The following PCDH7 variants were observed in gnomAD, a reference collection of about 807,000 sequenced individuals.
PCDH7 encodes the protein protocadherin 7.
In PCDH7, 17 loss-of-function variants were observed where a neutral mutation model predicts 58.9. The ratio of observed to expected loss-of-function variants is 0.29; its 90% CI spans 0.20 to 0.43. The LOEUF is 0.43. PCDH7 is among the 20% of genes least tolerant of loss of function. The pLI is 1.00. For missense variants in PCDH7, 1,274 were observed against 1,441.0 expected (o/e 0.88, Z 1.88); for synonymous variants, 664 against 616.4 (o/e 1.08, Z -1.14).
At chr4:31,047,876 G>T (rs1029189477) in intron 3 of PCDH7, among the ~76,000 whole-genome samples, 3 of 152,016 alleles carry the variant, frequency 2.0e-5, no homozygotes, top group Non-Finnish European at 2.9e-5. Flanking sequence ...GTTCCCACTT[G>T]ATAGGAGGTC....
chr4:31,141,874 C>T lies in PCDH7; in HGVS notation c.*8-599C>T, dbSNP rs373454081. On this transcript the variant is annotated intron_variant, in intron 3 of 3. Coordinates refer to the PCDH7 transcript ENST00000509759. ...GCAGGTGCGTGATATTGCTAGTATGCTTATACCTGTAACTACTGGTTCCTT... is the reference window on the plus strand; with the variant it reads ...GCAGGTGCGTGATATTGCTAGTATGTTTATACCTGTAACTACTGGTTCCTT... 3.8e-3 allele frequency among the ~76,000 whole-genome samples: 578 copies of T among 152,240 alleles called. 1 individual carries two copies. The highest frequency in any genetic ancestry group is 6.1e-3 in the Non-Finnish European group (413 of 68,028).
At chr4:30,744,373 C>A (rs1420749841) in intron 1 of PCDH7, among the ~76,000 whole-genome samples, 1 of 152,264 alleles carries the variant, frequency 6.6e-6, no homozygotes, top group East Asian at 1.9e-4. Context: ...TCTCCATTAA[C>A]CTATATGATT....
At chr4:30,955,634 C>T (rs112428228) in intron 3 of PCDH7, among the ~76,000 whole-genome samples, 6 of 151,860 alleles carry the variant, frequency 4.0e-5, no homozygotes, top group South Asian at 4.2e-4. Flanking sequence ...CTGCAACCTC[C>T]GCCTCATGGG....
chr4:30,807,299 C>T (rs1343417602), intron 1 of PCDH7, among the ~76,000 whole-genome samples: 2 of 152,024 alleles, frequency 1.3e-5, no homozygotes, highest in Admixed American at 6.5e-5. Flanking sequence ...AAAGCATAAA[C>T]AATAAAATAC....
intron 3 of PCDH7, among the ~76,000 whole-genome samples, chr4:30,980,480 A>G (rs1750456120): frequency 6.6e-6 from 1 of 152,220 alleles, no homozygotes; most frequent in Non-Finnish European, 1.5e-5. Flanking sequence ...TAGTCTAGGC[A>G]ATGGATACTG....
intron 3 of PCDH7, among the ~76,000 whole-genome samples, chr4:31,054,592 T>C (rs1371205674): frequency 1.3e-5 from 2 of 152,200 alleles, no homozygotes; most frequent in Non-Finnish European, 2.9e-5. Context: ...AAAATTCTTT[T>C]AGTACCTCCA....
intron 2 of PCDH7, among the ~76,000 whole-genome samples, chr4:30,942,376 G>T (rs1400656018): frequency 6.6e-6 from 1 of 151,936 alleles, no homozygotes; most frequent in Admixed American, 6.6e-5. Context: ...TCTTTATAGA[G>T]CCTTGATGAA....
chr4:30,859,698 G>A (rs185935854), intron 1 of PCDH7, among the ~76,000 whole-genome samples: 15 of 151,980 alleles, frequency 9.9e-5, no homozygotes, highest in Admixed American at 5.2e-4. Context: ...CCTCGACCCC[G>A]CAAAGTGCTG....
chr4:30,929,023 TTTC>T (rs1374786851), intron 2 of PCDH7, among the ~76,000 whole-genome samples: 31 of 152,292 alleles, frequency 2.0e-4, no homozygotes, highest in African/African-American at 7.2e-4. Context: ...ATTTTGTGTC[TTTC>T]TTTTCTCTCT....
At chr4:30,933,483 T>C (rs1405552039) in intron 2 of PCDH7, among the ~76,000 whole-genome samples, 1 of 152,188 alleles carries the variant, frequency 6.6e-6, no homozygotes, top group Non-Finnish European at 1.5e-5. Context: ...CTTACGCTTG[T>C]TGTTATTGTT....
chr4:31,122,327 A>G (rs1168136098), intron 3 of PCDH7, among the ~76,000 whole-genome samples: 1 of 152,194 alleles, frequency 6.6e-6, no homozygotes, highest in Non-Finnish European at 1.5e-5. Context: ...AATCCAGCCT[A>G]AAGGATAAAT....
At chr4:30,752,256 C>T (rs1442639664) in intron 1 of PCDH7, among the ~76,000 whole-genome samples, 4 of 152,218 alleles carry the variant, frequency 2.6e-5, no homozygotes, top group South Asian at 2.1e-4. Context: ...CCTCAGCCTC[C>T]GGAGTAGCTG....
intron 1 of PCDH7, among the ~76,000 whole-genome samples, chr4:30,865,791 C>G (rs1039964246): frequency 6.6e-6 from 1 of 151,972 alleles, no homozygotes; most frequent in Non-Finnish European, 1.5e-5. Flanking sequence ...TCTTAAGAAC[C>G]AGTGGAAGTA....
intron 3 of PCDH7, among the ~76,000 whole-genome samples, chr4:30,952,476 A>G (rs2109449510): frequency 6.6e-6 from 1 of 152,178 alleles, no homozygotes; most frequent in African/African-American, 2.4e-5. Flanking sequence ...AAGGAGAAAA[A>G]AAAAATCTTT....
At chr4:30,915,507 A>G (rs1742331162) in intron 1 of PCDH7, among the ~76,000 whole-genome samples, 1 of 152,006 alleles carries the variant, frequency 6.6e-6, no homozygotes, top group Admixed American at 6.6e-5. Flanking sequence ...CCTGCTTTTC[A>G]TTCTCACCTC....
At chr4:31,046,413 A>G (rs1407119522) in intron 3 of PCDH7, among the ~76,000 whole-genome samples, 5 of 152,022 alleles carry the variant, frequency 3.3e-5, no homozygotes, top group African/African-American at 9.7e-5. Context: ...TATATGAGTT[A>G]TATATGTAAA....
intron 1 of PCDH7, among the ~76,000 whole-genome samples, chr4:30,819,673 A>G (rs556160599): frequency 1.3e-5 from 2 of 152,298 alleles, no homozygotes; most frequent in South Asian, 2.1e-4. Context: ...TTATTTGTTT[A>G]GTGGATTTTG....
chr4:30,826,318 A>G (rs138955904), intron 1 of PCDH7, among the ~76,000 whole-genome samples: 1,560 of 152,314 alleles, frequency 0.01, 13 homozygotes, highest in South Asian at 0.021. Context: ...GACATGGATT[A>G]TATACATAAA....
intron 1 of PCDH7, among the ~76,000 whole-genome samples, chr4:30,885,721 A>C (rs958952825): frequency 2.6e-5 from 4 of 152,162 alleles, no homozygotes; most frequent in Admixed American, 2.0e-4. Flanking sequence ...ACTTCAAACT[A>C]TACTACAAGG....
Sources: gnomAD v4.1 joint callset for allele counts (sites outside exome capture counted in the v4.1 genomes callset) on GRCh38, gnomAD v4.1.1 for gene constraint, MANE v1.5 for transcripts, NCBI Gene and HGNC (gene_info 2026-07-23, HGNC 2026-07-21) for gene names.